The following BDH2 variants were observed in gnomAD, a reference collection of about 807,000 sequenced individuals.
BDH2 encodes the protein 3-hydroxybutyrate dehydrogenase 2.
Under a neutral mutation model 33.2 loss-of-function variants are expected in BDH2, and 24 were observed. The ratio of observed to expected loss-of-function variants is 0.72; its 90% CI spans 0.52 to 1.02. The LOEUF (loss-of-function observed/expected upper bound fraction) is 1.02. Ranked by LOEUF, BDH2 falls within the 50% of genes least tolerant of loss-of-function variation. The probability of loss-of-function intolerance (pLI) is 0.00; values close to 1 mark genes in which losing one functional copy is unlikely to be tolerated. For missense variants in BDH2, 249 were observed against 301.6 expected (o/e 0.83, Z 1.29); for synonymous variants, 81 against 101.6 (o/e 0.80, Z 1.22).
chr4:103,082,470 T>G (rs1246616739), intron 8 of BDH2, among the ~76,000 whole-genome samples: 2 of 152,230 alleles, frequency 1.3e-5, no homozygotes, highest in African/African-American at 2.4e-5. Flanking sequence ...TTAACCATTT[T>G]AAGTGTACAG....
intron 6 of BDH2, chr4:103,086,119 T>G: frequency 9.1e-7 from 1 of 1,099,482 alleles, no homozygotes; most frequent in Non-Finnish European, 1.1e-6. Flanking sequence ...GCTGCCTTGC[T>G]CCTAGTTTTG....
intron 5 of BDH2, 25 bp downstream of exon 5, chr4:103,091,152 C>CTGGTGG (rs761682620): frequency 6.8e-7 from 1 of 1,471,712 alleles, no homozygotes; most frequent in Non-Finnish European, 9.5e-7. Flanking sequence ...GGTGCTTATC[C>CTGGTGG]TGGTGGTGGT....
Position 103,082,109 on chromosome 4 carries a change from A to G in BDH2, c.656T>C (p.Met219Thr), listed in dbSNP as rs1553919302. The change falls in exon 9 of 10, where the codon ATG becomes ACG. Residue 219 changes from methionine to threonine, a missense_variant. Transcript: ENST00000296424. The part of the protein sequence containing the change: ...GRFATAEEIA[M>T]LCVYLASDES... ...ATCAGAAGCCAAATACACGCAGAGC[A>G]TGGCTATTTCTTCTGCAGTTGCGAA... 6.2e-7 allele frequency: 1 copy of G among 1,614,184 alleles called. No individual in the cohort carries two copies. The highest frequency in any genetic ancestry group is 1.1e-5 in the South Asian group (1 of 91,086).
At chr4:103,081,135 A>G (rs1211152814) in intron 9 of BDH2, among the ~76,000 whole-genome samples, 1 of 152,130 alleles carries the variant, frequency 6.6e-6, no homozygotes, top group East Asian at 1.9e-4. Flanking sequence ...ACAGAGGAGG[A>G]CCTTCTTGTG....
chr4:103,096,555 T>A (rs1392703241), intron 1 of BDH2, among the ~76,000 whole-genome samples: 3 of 140,666 alleles, frequency 2.1e-5, no homozygotes, highest in South Asian at 2.4e-4. Context: ...TTTTTTTTTT[T>A]ATGAGATGGA....
At position 103,092,581 on chromosome 4, in the gene BDH2, C is replaced by T; in HGVS notation, c.248+19G>A. The stretch of plus-strand genomic sequence containing the variant: ...AAAACTTTCTGTAAGGAAAGTGAAA[C>T]TAAAAAGTTATGAATTACCCAGCAA... On this transcript the variant is annotated intron_variant, in intron 4 of 9. Transcript: ENST00000296424. 1 of 1,550,868 alleles carries T rather than the reference C, an allele frequency of 6.4e-7. No homozygotes were observed. The highest frequency in any genetic ancestry group is 8.8e-7 in the Non-Finnish European group (1 of 1,131,138).
intron 7 of BDH2, 94 bp from the exon 8 acceptor site, chr4:103,083,023 T>G (rs1578499725): frequency 8.8e-7 from 1 of 1,142,332 alleles, no homozygotes; most frequent in East Asian, 2.3e-5. Context: ...ATCAGTGAGA[T>G]TCTTCTCCTT....
rs570947306 is a variant in BDH2 at position 103,092,190 on chromosome 4, C to A, written c.248+410G>T. Among the ~76,000 whole-genome samples the A allele has an allele frequency of 8.5e-5, 13 of 152,296 alleles. No homozygotes were observed. In the South Asian group the frequency reaches 1.2e-3, roughly 15 times the overall value. ...AGGAACCACATGATTATTTCTACATCCCCTACATGGCTGAAAATTTAATAG... is the reference window on the plus strand; with the variant it reads ...AGGAACCACATGATTATTTCTACATACCCTACATGGCTGAAAATTTAATAG... On this transcript the variant is annotated intron_variant, in intron 4 of 9. Coordinates refer to ENST00000296424, the MANE Select transcript of BDH2 (RefSeq NM_020139.4).
intron 9 of BDH2, 59 bp downstream of exon 9, chr4:103,082,022 G>T: frequency 7.3e-7 from 1 of 1,377,788 alleles, no homozygotes; most frequent in Non-Finnish European, 1.0e-6. Context: ...ATTTTGATGA[G>T]CAAATTGTGG....
chr4:103,087,396 T>C (rs1434763632), intron 5 of BDH2, among the ~76,000 whole-genome samples: 1 of 152,160 alleles, frequency 6.6e-6, no homozygotes, highest in Non-Finnish European at 1.5e-5. Context: ...CAGAGACTAG[T>C]GGAAGCTGAT....
chr4:103,088,511 C>T (rs1254269824), intron 5 of BDH2, among the ~76,000 whole-genome samples: 2 of 152,086 alleles, frequency 1.3e-5, no homozygotes, highest in Non-Finnish European at 2.9e-5. Flanking sequence ...AGTACCTGTT[C>T]CCATGCTGCC....
intron 1 of BDH2, chr4:103,097,868 G>C (rs117202293): frequency 6.6e-6 from 1 of 152,122 alleles, no homozygotes; most frequent in Non-Finnish European, 1.5e-5. Flanking sequence ...GCCTGATTTT[G>C]TACAGGTTGA....
chr4:103,081,313 T>A (rs911840494), intron 9 of BDH2, among the ~76,000 whole-genome samples: 3 of 152,260 alleles, frequency 2.0e-5, no homozygotes, highest in Non-Finnish European at 4.4e-5. Context: ...ATTTATTTAT[T>A]TTGAGACGGA....
At chr4:103,091,465 CT>C (rs1748085364) in intron 4 of BDH2, among the ~76,000 whole-genome samples, 180 bp from the exon 5 acceptor site, 1 of 152,104 alleles carries the variant, frequency 6.6e-6, no homozygotes, top group African/African-American at 2.4e-5. Context: ...ACAACTTAAG[CT>C]AGAAATGTCA....
At chr4:103,096,918 T>C (rs539153111) in intron 1 of BDH2, among the ~76,000 whole-genome samples, 2 of 152,312 alleles carry the variant, frequency 1.3e-5, no homozygotes, top group South Asian at 4.1e-4. Context: ...GTTTCCTCAC[T>C]ACCACCATCA....
chr4:103,086,663 T>A, intron 5 of BDH2, 123 bp from the exon 6 acceptor site: 1 of 1,252,566 alleles, frequency 8.0e-7, no homozygotes, highest in South Asian at 1.5e-5. Context: ...TATTAGCTAG[T>A]CACATTAAGC....
intron 7 of BDH2, among the ~76,000 whole-genome samples, chr4:103,084,133 T>G (rs546119106): frequency 1.3e-5 from 2 of 152,206 alleles, no homozygotes; most frequent in African/African-American, 4.8e-5. Flanking sequence ...AAGTCCACAG[T>G]TTTACCAACA....
chr4:103,091,746 G>GA (rs749945401), intron 4 of BDH2: 2,264 of 365,146 alleles, frequency 6.2e-3, no homozygotes, highest in East Asian at 0.012. Context: ...CCCTGTTTCA[G>GA]AAAAAAAAAA....
rs754399296 is a variant in BDH2 at position 103,096,206 on chromosome 4, C to T, written c.49G>A (p.Gly17Arg). Residue 17 changes from glycine to arginine, a missense_variant, in exon 2 of 10, where the codon GGG (glycine) becomes AGG (arginine). By Grantham distance (125) the Gly-to-Arg change is moderately radical (BLOSUM62 -2). Transcript: ENST00000296424. ...KVIILTAAAQ[G>R]IGQAAALAFA... ...ACTAAGGCAGCTGCTTGGCCAATCC[C>T]CTGAGCAGCGGCCGTCAGGATGATG... 3.1e-6 allele frequency: 5 copies of T among 1,613,660 alleles called. 1 individual carries two copies. In the South Asian group the frequency reaches 5.5e-5, roughly 18 times the overall value.
Sources: allele counts gnomAD v4.1 joint callset (sites outside exome capture counted in the v4.1 genomes callset), GRCh38; gene constraint gnomAD v4.1.1; transcripts MANE v1.5; gene names NCBI Gene and HGNC (gene_info 2026-07-23, HGNC 2026-07-21).